Variants in CIAO3 observed in about 807,000 individuals in gnomAD.
The protein encoded by CIAO3 is cytosolic iron-sulfur assembly component 3, also known as LET1 like/JFP15.
Under a neutral mutation model 51.5 loss-of-function variants are expected in CIAO3, and 45 were observed. That is an observed-to-expected ratio of 0.87 (90% CI 0.69 to 1.12). The LOEUF (loss-of-function observed/expected upper bound fraction) is 1.12, where lower values mean the gene tolerates loss of function less well. CIAO3 is among the 50% of genes most tolerant of loss of function. CIAO3 has a pLI of 0.00. For synonymous variants in CIAO3, 314 were observed against 269.3 expected, an observed-to-expected ratio of 1.17 and a Z score of -1.63; for missense variants, 668 against 632.5, an observed-to-expected ratio of 1.06 and a Z score of -0.60.
chr16:733,086 C>T (rs1450625288), intron 7 of CIAO3: 7 of 582,610 alleles, frequency 1.2e-5, no homozygotes, highest in South Asian at 6.1e-5. Flanking sequence ...TATTACTGAG[C>T]GCCACCTGGC....
intron 1 of CIAO3, 108 bp from the exon 2 acceptor site, chr16:739,846 A>G (rs1308696622): frequency 1.5e-6 from 2 of 1,294,318 alleles, no homozygotes; most frequent in African/African-American, 2.9e-5. Context: ...AGGCTCTGCC[A>G]GGAGCCATGC....
intron 1 of CIAO3, chr16:740,685 A>AC: frequency 1.8e-6 from 1 of 545,128 alleles, no homozygotes; most frequent in South Asian, 2.1e-5. Flanking sequence ...ACCATGGGGC[A>AC]CAGGAGCGGG....
At chr16:733,671 CGGA>C (rs2041307694) in intron 6 of CIAO3, 4 of 536,154 alleles carry the variant, frequency 7.5e-6, no homozygotes, top group Non-Finnish European at 1.3e-5. Flanking sequence ...CCAAGTCCAG[CGGA>C]GGAGAAGTGG....
chr16:731,329 C>T (rs945301547), intron 9 of CIAO3: 5 of 632,248 alleles, frequency 7.9e-6, no homozygotes, highest in Admixed American at 3.3e-5. Context: ...GCTGGCCTCT[C>T]GGGCTCAGGG....
chr16:738,524 T>TTTATTTTTTTTTATTTTTTA (rs1163231596), intron 2 of CIAO3: 1 of 175,858 alleles, frequency 5.7e-6, no homozygotes, highest in African/African-American at 2.5e-5. Context: ...ATTTTTTTTT[T>TTTATTTTTTTTTATTTTTTA]TGTATTTTTA....
At position 730,960 on chromosome 16, in the gene CIAO3, G is replaced by T. The variant is rs138245914; in HGVS notation, c.1075C>A (p.Gln359Lys). The T allele has an allele frequency of 1.2e-5, 20 of 1,612,890 alleles. 1 individual carries two copies. Among genetic ancestry groups the T allele is most frequent in the Non-Finnish European group, 1.5e-5 (18 of 1,180,004 alleles). Residue 359 changes from glutamine (Q) to lysine (K), a missense_variant, in exon 10 of 11, where the codon CAG becomes AAG. Gln to Lys is a moderately conservative substitution (Grantham distance 53, BLOSUM62 1). Transcript: ENST00000251588. Reference protein sequence around the residue: ...FQEVTLEKEGQVLLHFAMAYG... With the variant: ...FQEVTLEKEGKVLLHFAMAYG... ...GCCATTGCGAAGTGCAGCAGCACCTGGCCCTCCTTCTCCAGTGTCACCTCC... is the reference window on the plus strand; with the variant it reads ...GCCATTGCGAAGTGCAGCAGCACCTTGCCCTCCTTCTCCAGTGTCACCTCC...
At chr16:731,535 C>T in intron 9 of CIAO3, 30 bp downstream of exon 9, 1 of 1,528,172 alleles carries the variant, frequency 6.5e-7, no homozygotes, top group Non-Finnish European at 8.8e-7. Flanking sequence ...TGTGGCCGCT[C>T]TGCCCAGAGA....
At chr16:734,614 G>T in intron 5 of CIAO3, 123 bp downstream of exon 5, 1 of 1,541,190 alleles carries the variant, frequency 6.5e-7, no homozygotes, top group Non-Finnish European at 8.9e-7. Context: ...TTTCCAACCC[G>T]TCCCGCAAAA....
In CIAO3 at chr16:737,897, C is replaced by G. The variant is rs2041355635; in HGVS notation, c.163-568G>C. 1.7e-6 allele frequency: 2 copies of G among 1,181,622 alleles called. No individual in the cohort carries two copies. Among genetic ancestry groups the G allele is most frequent in the Non-Finnish European group, 2.1e-6 (2 of 938,232 alleles). 73.2% of individuals were successfully genotyped at this position (1,181,622 alleles called of 1,614,324 possible). ...ATGCCTCAGCAACTTTTCTTACATG[C>G]AAAACGCACCCAGCTCGAGCTCCCC... On this transcript the variant is annotated intron_variant, in intron 2 of 10. Coordinates refer to ENST00000251588, the MANE Select transcript of CIAO3 (RefSeq NM_022493.3). The surrounding 1 kb of genome is among the most constrained non-coding windows in gnomAD (Gnocchi z 5.3).
In CIAO3 at chr16:734,332, G is replaced by T; in HGVS notation, c.590C>A (p.Ala197Asp). 1 of 1,610,628 alleles carries T rather than the reference G, an allele frequency of 6.2e-7. No individual in the cohort carries two copies. Among genetic ancestry groups the T allele is most frequent in the South Asian group, 1.1e-5 (1 of 91,062 alleles). Residue 197 changes from alanine to aspartate, a missense_variant, in exon 6 of 11, where the codon GCC (alanine) becomes GAC (aspartate). Physicochemically the swap from Ala to Asp is moderately radical, Grantham distance 126. Coordinates refer to ENST00000251588, the MANE Select transcript of CIAO3 (RefSeq NM_022493.3). ...ASACPGWICY[A>D]EKTHGSFILP... Reference sequence around the variant, plus strand: ...GATGAAGCTGCCGTGAGTCTTCTCGGCATAGCAGATCCAGCCTGAGGTGAC... The same window carrying T: ...GATGAAGCTGCCGTGAGTCTTCTCGTCATAGCAGATCCAGCCTGAGGTGAC...
At position 733,398 on chromosome 16, in the gene CIAO3, G is replaced by C; in HGVS notation, c.723C>G (p.Val241=). 1 of 1,613,876 alleles carries C rather than the reference G, an allele frequency of 6.2e-7. No homozygotes were observed. The highest frequency in any genetic ancestry group is 8.5e-7 in the Non-Finnish European group (1 of 1,179,996). Residue 241 remains valine, a synonymous_variant, in exon 7 of 11, where the codon GTC becomes GTG. Transcript: ENST00000251588. ...TTTTGTCATAGCAGGGCATCACTGT[G>C]ACGTGGTAGATCTTGTCAGGGGTCA... ...QHLTPDKIYH[V]TVMPCYDKKL... is the part of the protein sequence containing the mutation.
At position 731,435 on chromosome 16, in the gene CIAO3, C is replaced by T. The variant is rs189468352; in HGVS notation, c.1034+130G>A. On this transcript the variant is annotated intron_variant, in intron 9 of 10. Coordinates refer to ENST00000251588, the MANE Select transcript of CIAO3 (RefSeq NM_022493.3). ...GAGGGCCCTGCCTGGCCCCAGGGTC[C>T]CCTCCAAACCCTGCAGGCTGCCCTC... 2.2e-3 allele frequency: 2,821 copies of T among 1,300,954 alleles called. 49 individuals carry two copies. In the Admixed American group the frequency reaches 0.034, roughly 16 times the overall value. The allele number at this position is 1,300,954 out of a possible 1,614,324, so 80.6% of individuals were successfully genotyped here.
chr16:731,055 G>T (rs981854496), intron 9 of CIAO3, 55 bp from the exon 10 acceptor site: 26 of 1,598,288 alleles, frequency 1.6e-5, no homozygotes, highest in Admixed American at 3.4e-5. Flanking sequence ...GCTCCTGCCT[G>T]CCTGGAAGGG....
intron 5 of CIAO3, 172 bp from the exon 6 acceptor site, chr16:734,519 G>T: frequency 1.1e-6 from 1 of 917,052 alleles, no homozygotes; most frequent in East Asian, 2.6e-5. Context: ...GCGTGCAGGC[G>T]ACACCGCCTA....
At position 731,534 on chromosome 16, in the gene CIAO3, T is replaced by G. The variant is rs1005167031; in HGVS notation, c.1034+31A>C. On this transcript the variant is annotated intron_variant, in intron 9 of 10. Coordinates refer to ENST00000251588, the MANE Select transcript of CIAO3 (RefSeq NM_022493.3). The stretch of plus-strand genomic sequence containing the variant: ...GGAAGGCTGGGGGCTGTGTGGCCGC[T>G]CTGCCCAGAGATCTGGCCCATCCCA... 3.3e-6 allele frequency: 5 copies of G among 1,527,142 alleles called. No homozygotes were observed. The African/African-American group carries it at 6.9e-5, about 21-fold the overall frequency. 94.6% of individuals were successfully genotyped at this position (1,527,142 alleles called of 1,614,324 possible).
At position 730,199 on chromosome 16, in the gene CIAO3, C is replaced by T; in HGVS notation, c.*218G>A. On this transcript the variant is annotated 3_prime_UTR_variant, in exon 11 of 11. Transcript: ENST00000251588. ...CTCAGGGAACCTTCTGCTGCCTGGGCCACCCCACCCCACCTGGGCAGAGCC... is the reference window on the plus strand; with the variant it reads ...CTCAGGGAACCTTCTGCTGCCTGGGTCACCCCACCCCACCTGGGCAGAGCC... 1 of 596,264 alleles carries T rather than the reference C, an allele frequency of 1.7e-6. No individual in the cohort carries two copies. The highest frequency in any genetic ancestry group is 3.0e-6 in the Non-Finnish European group (1 of 336,014). 36.9% of individuals were successfully genotyped at this position (596,264 alleles called of 1,614,324 possible).
chr16:731,104 C>G, intron 9 of CIAO3, 104 bp from the exon 10 acceptor site: 1 of 1,441,288 alleles, frequency 6.9e-7, no homozygotes, highest in Non-Finnish European at 9.5e-7. Context: ...GGGTACCTCC[C>G]AGGGCTCTCT....
chr16:734,408 G>A, intron 5 of CIAO3, 61 bp from the exon 6 acceptor site: 1 of 1,228,612 alleles, frequency 8.1e-7, no homozygotes, highest in Non-Finnish European at 1.2e-6. Context: ...GCACCCACAG[G>A]CAGCAGCACG....
chr16:733,150 A>C lies in CIAO3; in HGVS notation c.823+148T>G, dbSNP rs111643494. On this transcript the variant is annotated intron_variant, in intron 7 of 10. Coordinates refer to ENST00000251588, the MANE Select transcript of CIAO3 (RefSeq NM_022493.3). The stretch of plus-strand genomic sequence containing the variant: ...AATGGGCCCACCTGGCTCCAAGGGG[A>C]GAGACGAAGGTACGTGCACGCATGC... The C allele has an allele frequency of 1.6e-3, 1,672 of 1,025,924 alleles. 25 individuals carry two copies. In the African/African-American group the frequency reaches 0.025, roughly 15 times the overall value. The allele number at this position is 1,025,924 out of a possible 1,614,324, so 63.6% of individuals were successfully genotyped here.
Sources: allele counts gnomAD v4.1 joint callset, GRCh38; gene constraint gnomAD v4.1.1; non-coding constraint Gnocchi (gnomAD v3.1); transcripts MANE v1.5; gene names NCBI Gene and HGNC (gene_info 2026-07-23, HGNC 2026-07-21).